The following MEI1 variants were observed in gnomAD, a reference collection of about 807,000 sequenced individuals.
MEI1 encodes meiosis inhibitor protein 1.
In MEI1, 103 loss-of-function variants were observed where a neutral mutation model predicts 146.2. That is an observed-to-expected ratio of 0.70 (90% CI 0.60 to 0.83). The LOEUF (loss-of-function observed/expected upper bound fraction) is 0.83, where lower values mean the gene tolerates loss of function less well. MEI1 is among the 40% of genes least tolerant of loss of function. The pLI is 0.00. For missense variants in MEI1, 1,529 were observed against 1,533.0 expected, an observed-to-expected ratio of 1.00 and a Z score of 0.04; for synonymous variants, 652 against 628.2, an observed-to-expected ratio of 1.04 and a Z score of -0.57.
intron 1 of MEI1, among the ~76,000 whole-genome samples, chr22:41,700,716 G>T (rs1352073877): frequency 6.6e-6 from 1 of 151,250 alleles, no homozygotes; most frequent in African/African-American, 2.4e-5. Flanking sequence ...GGGAATTCGT[G>T]AGTGGGTGGA....
chr22:41,782,769 C>T (rs1018025182), intron 24 of MEI1, among the ~76,000 whole-genome samples: 2 of 152,222 alleles, frequency 1.3e-5, no homozygotes, highest in African/African-American at 2.4e-5. Flanking sequence ...TGGGCTCATC[C>T]AGCTGTCTGC....
At chr22:41,720,731 A>G (rs1420540767) in intron 6 of MEI1, among the ~76,000 whole-genome samples, 12 of 138,010 alleles carry the variant, frequency 8.7e-5, no homozygotes, top group Non-Finnish European at 1.1e-4. Flanking sequence ...CGAGTAGCTG[A>G]GATTACAGGC....
chr22:41,759,682 A>G (rs2074341997), intron 18 of MEI1, among the ~76,000 whole-genome samples: 1 of 150,752 alleles, frequency 6.6e-6, no homozygotes, highest in Non-Finnish European at 1.5e-5. Flanking sequence ...TACAAAAATC[A>G]GCCGGGCATG....
intron 27 of MEI1, 31 bp from the exon 28 acceptor site, chr22:41,794,340 G>A (rs371579010): frequency 4.4e-6 from 7 of 1,580,558 alleles, no homozygotes; most frequent in Non-Finnish European, 6.1e-6. Context: ...GCAAGGTCTT[G>A]GAAGCATTAA....
chr22:41,756,567 G>C (rs887134114), intron 17 of MEI1, among the ~76,000 whole-genome samples: 1 of 151,872 alleles, frequency 6.6e-6, no homozygotes, highest in Non-Finnish European at 1.5e-5. Flanking sequence ...TCCACCTCCC[G>C]GGTTCAAGCA....
At chr22:41,793,380 C>T (rs12628731) in intron 26 of MEI1, among the ~76,000 whole-genome samples, 45,270 of 151,646 alleles carry the variant, frequency 0.3, 7,136 homozygotes, top group Non-Finnish European at 0.36. Flanking sequence ...CAGCTCACCG[C>T]AACCTCCGCC....
chr22:41,762,148 C>G (rs1187400349), intron 18 of MEI1, among the ~76,000 whole-genome samples: 33 of 151,646 alleles, frequency 2.2e-4, no homozygotes, highest in Non-Finnish European at 1.5e-5. Context: ...GGTATATTCT[C>G]AATCCTCTCA....
At position 41,778,715 on chromosome 22, in the gene MEI1, GA is replaced by G; in HGVS notation, c.2720del (p.Asn907ThrfsTer6). ...HGASPSGASG[N>X]LPLLLSLLSL... ...CCTCCTTGTTCTTCACAGCCTCGGG[GA>G]ACCTACCATTGCTGCTGAGCCTCCT... On this transcript the variant is annotated frameshift_variant, in exon 22 of 31. Coordinates refer to ENST00000401548, the MANE Select transcript of MEI1 (RefSeq NM_152513.4). LOFTEE classifies it high-confidence loss of function. 1 of 1,602,968 alleles carries G rather than the reference GA, an allele frequency of 6.2e-7. No homozygotes were observed. Among genetic ancestry groups the G allele is most frequent in the Non-Finnish European group, 8.5e-7 (1 of 1,175,046 alleles).
intron 26 of MEI1, among the ~76,000 whole-genome samples, chr22:41,791,722 A>G (rs1174001162): frequency 6.6e-6 from 1 of 152,220 alleles, no homozygotes; most frequent in African/African-American, 2.4e-5. Flanking sequence ...CACTATTCAT[A>G]ATGATGAAAA....
At chr22:41,798,770 A>G (rs2076468114) in intron 30 of MEI1, among the ~76,000 whole-genome samples, 1 of 151,848 alleles carries the variant, frequency 6.6e-6, no homozygotes, top group Non-Finnish European at 1.5e-5. Context: ...TGGGAGGATG[A>G]GGCAGGACAA....
chr22:41,767,969 A>T (rs1279897771), intron 19 of MEI1, among the ~76,000 whole-genome samples: 1 of 152,214 alleles, frequency 6.6e-6, no homozygotes, highest in Non-Finnish European at 1.5e-5. Flanking sequence ...AAGTGGGAAG[A>T]TGCCCAATCT....
chr22:41,705,224 T>G (rs1274009345), intron 2 of MEI1, among the ~76,000 whole-genome samples: 1 of 148,422 alleles, frequency 6.7e-6, no homozygotes, highest in Non-Finnish European at 1.5e-5. Context: ...CAGGCTGGAG[T>G]GCAGTGGTGC....
At chr22:41,796,137 T>G (rs555099785) in intron 30 of MEI1, among the ~76,000 whole-genome samples, 1 of 152,278 alleles carries the variant, frequency 6.6e-6, no homozygotes, top group South Asian at 2.1e-4. Flanking sequence ...CCTGTTAATA[T>G]TAAGTTCCTA....
intron 3 of MEI1, among the ~76,000 whole-genome samples, chr22:41,710,363 T>G (rs1471823896): frequency 6.6e-6 from 1 of 152,160 alleles, no homozygotes; most frequent in Admixed American, 6.5e-5. Context: ...TGAGCTATTA[T>G]AGGATACAAA....
chr22:41,706,353 A>C (rs1029217093), intron 3 of MEI1, among the ~76,000 whole-genome samples: 1 of 152,106 alleles, frequency 6.6e-6, no homozygotes, highest in Non-Finnish European at 1.5e-5. Flanking sequence ...TCTGTGCTAG[A>C]TACTGGATCA....
intron 1 of MEI1, among the ~76,000 whole-genome samples, chr22:41,702,144 A>G (rs1190881299): frequency 6.6e-6 from 1 of 152,154 alleles, no homozygotes; most frequent in East Asian, 1.9e-4. Context: ...CCTTTTATTG[A>G]GCACACTTTT....
intron 6 of MEI1, among the ~76,000 whole-genome samples, chr22:41,719,130 C>T (rs1601715873): frequency 1.3e-5 from 2 of 152,004 alleles, no homozygotes; most frequent in East Asian, 3.9e-4. Context: ...CTACAGGCGC[C>T]TGCCACCATG....
At chr22:41,749,831 G>T (rs1213238067) in intron 15 of MEI1, among the ~76,000 whole-genome samples, 4 of 151,902 alleles carry the variant, frequency 2.6e-5, no homozygotes, top group African/African-American at 4.8e-5. Flanking sequence ...CTGGCTTCTG[G>T]CTGGCTTCTA....
Position 41,776,254 on chromosome 22 carries a change from A to C in MEI1, c.2697A>C (p.Ala899=). The stretch of plus-strand genomic sequence containing the variant: ...AGCGTCTGCTAGTGGAGCATGGGGC[A>C]TCCCCATCAGGAGGTCAGTCTGCAG... The part of the protein sequence containing the change: ...ILQRLLVEHG[A]SPSGASGNLP... Residue 899 remains alanine, a synonymous_variant, in exon 21 of 31, where the codon GCA becomes GCC. Coordinates refer to ENST00000401548, the MANE Select transcript of MEI1 (RefSeq NM_152513.4). 5.6e-6 allele frequency: 9 copies of C among 1,613,632 alleles called. No individual in the cohort carries two copies. Among genetic ancestry groups the C allele is most frequent in the Non-Finnish European group, 7.6e-6 (9 of 1,179,822 alleles).
Sources: allele counts gnomAD v4.1 joint callset (sites outside exome capture counted in the v4.1 genomes callset), GRCh38; gene constraint gnomAD v4.1.1; transcripts MANE v1.5; gene names NCBI Gene and HGNC (gene_info 2026-07-23, HGNC 2026-07-21).